The following ZC3H7B variants were observed in gnomAD, a reference collection of about 807,000 sequenced individuals.
ZC3H7B encodes the protein zinc finger CCCH-type containing 7B.
Under a neutral mutation model 116.0 loss-of-function variants are expected in ZC3H7B, and 35 were observed. That is an observed-to-expected ratio of 0.30 (90% CI 0.23 to 0.40). The LOEUF (loss-of-function observed/expected upper bound fraction) is 0.40. ZC3H7B is among the 10% of genes least tolerant of loss of function. The pLI, the probability that ZC3H7B is intolerant of heterozygous loss-of-function variation, is 1.00. For synonymous variants in ZC3H7B, 502 were observed against 545.6 expected, an observed-to-expected ratio of 0.92 and a Z score of 1.11; for missense variants, 1,011 against 1,321.5, an observed-to-expected ratio of 0.77 and a Z score of 3.64.
rs781225037 is a variant in ZC3H7B at position 41,325,916 on chromosome 22, A to C, written c.283A>C (p.Met95Leu). Residue 95 changes from methionine (M) to leucine (L), a missense_variant and splice_region_variant, in exon 4 of 23, where the codon ATG becomes CTG. Met to Leu is a conservative substitution (Grantham distance 15). This residue lies in a region of ZC3H7B where 322 missense variants were observed against 443.9 expected (regional missense o/e 0.73). Coordinates refer to ENST00000352645, the MANE Select transcript of ZC3H7B (RefSeq NM_017590.6). The stretch of plus-strand genomic sequence containing the variant: ...CAATAGGGCCGCCTGCTACTTCACC[A>C]TGGTGAGCCTGGCACCCTCTTTTCT... ...HVNRAACYFT[M>L]GLYEKALEDS... The C allele has an allele frequency of 1.2e-6, 2 of 1,603,220 alleles. No homozygotes were observed. Among genetic ancestry groups the C allele is most frequent in the Admixed American group, 3.4e-5 (2 of 58,468 alleles).
rs1171719582 is a variant in ZC3H7B, at chr22:41,338,273, C to T, written c.583-40C>T. On this transcript the variant is annotated intron_variant, in intron 7 of 22. Coordinates refer to ENST00000352645, the MANE Select transcript of ZC3H7B (RefSeq NM_017590.6). This position sits in a 1 kb window ranked among gnomAD's most constrained non-coding sequence, Gnocchi z 4.5. ...CTGGTGCTGGGTGCTGGGATCGGGG[C>T]CTTCCCAGCCACAGCGCCACTGTGG... 6.2e-7 allele frequency: 1 copy of T among 1,606,182 alleles called. No homozygotes were observed. The highest frequency in any genetic ancestry group is 8.5e-7 in the Non-Finnish European group (1 of 1,176,194).
At chr22:41,334,254 G>C (rs553422885) in intron 7 of ZC3H7B, 3 of 152,268 alleles carry the variant, frequency 2.0e-5, no homozygotes, top group Non-Finnish European at 2.9e-5. Context: ...AGAGCACCAA[G>C]GTAGCGTCTC....
At chr22:41,345,717 A>G (rs1162182352) in intron 13 of ZC3H7B, among the ~76,000 whole-genome samples, 1 of 152,180 alleles carries the variant, frequency 6.6e-6, no homozygotes, top group Non-Finnish European at 1.5e-5. Flanking sequence ...TGTATTTGGA[A>G]AGGAATTTTC....
intron 16 of ZC3H7B, among the ~76,000 whole-genome samples, chr22:41,350,318 G>A (rs1013263012): frequency 6.6e-6 from 1 of 152,190 alleles, no homozygotes; most frequent in Admixed American, 6.5e-5. Flanking sequence ...GCCTTAAACA[G>A]GAACAACTGG....
At position 41,346,074 on chromosome 22, in the gene ZC3H7B, G is replaced by A. The variant is rs750052358; in HGVS notation, c.1531G>A (p.Val511Met). 60 of 1,614,034 alleles carry A rather than the reference G, an allele frequency of 3.7e-5. No individual in the cohort carries two copies. Among genetic ancestry groups the A allele is most frequent in the Admixed American group, 1.0e-4 (6 of 60,024 alleles). The change falls in exon 14 of 23, where the codon GTG becomes ATG. Residue 511 changes from valine (V) to methionine (M), a missense_variant. Val to Met is a conservative substitution (Grantham distance 21). This residue lies in a region of ZC3H7B where 179 missense variants were observed against 178.5 expected (regional missense o/e 1.00). Transcript: ENST00000352645. This position sits in a 1 kb window ranked among gnomAD's most constrained non-coding sequence, Gnocchi z 5.3. ...TFAYHQEEID[V>M]WTEERKGTLN... ...CGCCTACCATCAGGAGGAGATCGAC[G>A]TGTGGACCGAGGAGCGGAAGGGCAC...
chr22:41,348,330 A>G (rs17002407), intron 15 of ZC3H7B, among the ~76,000 whole-genome samples, 163 bp downstream of exon 15: 13,395 of 152,274 alleles, frequency 0.088, 1,858 homozygotes, highest in East Asian at 0.45. Context: ...GGAAAGGATG[A>G]GAATCACATT....
At position 41,327,222 on chromosome 22, in the gene ZC3H7B, C is replaced by T. The variant is rs1381199332; in HGVS notation, c.302C>T (p.Ala101Val). 6.2e-7 allele frequency: 1 copy of T among 1,613,868 alleles called. No homozygotes were observed. Among genetic ancestry groups the T allele is most frequent in the South Asian group, 1.1e-5 (1 of 91,090 alleles). ...CTCTGGCAGGGCCTGTATGAGAAGG[C>T]GCTGGAGGACAGCGAGAAGGCGCTG... Reference protein sequence around the residue: ...CYFTMGLYEKALEDSEKALGL... With the variant: ...CYFTMGLYEKVLEDSEKALGL... Residue 101 changes from alanine (A) to valine (V), a missense_variant, in exon 5 of 23, where the codon GCG becomes GTG. By Grantham distance (64) the Ala-to-Val change is moderately conservative. This residue lies in a region of ZC3H7B where 322 missense variants were observed against 443.9 expected (regional missense o/e 0.73). Coordinates refer to ENST00000352645, the MANE Select transcript of ZC3H7B (RefSeq NM_017590.6). This position sits in a 1 kb window ranked among gnomAD's most constrained non-coding sequence, Gnocchi z 4.5.
At position 41,340,134 on chromosome 22, in the gene ZC3H7B, A is replaced by T; in HGVS notation, c.1135A>T (p.Met379Leu). The part of the protein sequence containing the change: ...RGSLDKPDSF[M>L]EETNSQDHRP... ...CTCCCTGGACAAACCTGACTCCTTC[A>T]TGGGTAAGGCCATGGGTGGGCCCGT... The change falls in exon 10 of 23, where the codon ATG (methionine) becomes TTG (leucine). Residue 379 changes from methionine (M) to leucine (L), a missense_variant. By Grantham distance (15) the Met-to-Leu change is conservative. Coordinates refer to ENST00000352645, the MANE Select transcript of ZC3H7B (RefSeq NM_017590.6). 1 of 1,600,858 alleles carries T rather than the reference A, an allele frequency of 6.2e-7. No homozygotes were observed. Among genetic ancestry groups the T allele is most frequent in the Non-Finnish European group, 8.5e-7 (1 of 1,172,982 alleles).
At chr22:41,303,149 C>T (rs907578275) in intron 1 of ZC3H7B, among the ~76,000 whole-genome samples, 5 of 152,192 alleles carry the variant, frequency 3.3e-5, no homozygotes, top group African/African-American at 1.2e-4. Flanking sequence ...GTGTCCACCT[C>T]CCACAGAAGT....
At chr22:41,325,461 C>A in intron 2 of ZC3H7B, 103 bp from the exon 3 acceptor site, 1 of 1,478,588 alleles carries the variant, frequency 6.8e-7, no homozygotes, top group Non-Finnish European at 9.3e-7. Context: ...CACCCTAGTC[C>A]ACAAGGTGAT....
intron 7 of ZC3H7B, among the ~76,000 whole-genome samples, chr22:41,337,104 C>G (rs2036457731): frequency 6.6e-6 from 1 of 151,920 alleles, no homozygotes; most frequent in Non-Finnish European, 1.5e-5. Flanking sequence ...CCATTGCACT[C>G]CAGCCTGGGC....
At chr22:41,328,197 C>A (rs1164789033) in intron 5 of ZC3H7B, among the ~76,000 whole-genome samples, 1 of 151,428 alleles carries the variant, frequency 6.6e-6, no homozygotes, top group Non-Finnish European at 1.5e-5. Flanking sequence ...AGAGTGTCCA[C>A]AACAGATCCA....
chr22:41,341,905 T>TA (rs2036527773), intron 11 of ZC3H7B, among the ~76,000 whole-genome samples: 2 of 151,452 alleles, frequency 1.3e-5, no homozygotes. Flanking sequence ...CTATTAAAAA[T>TA]ACAAAAATTA....
chr22:41,332,056 G>T (rs2036390217), intron 6 of ZC3H7B, 115 bp from the exon 7 acceptor site: 2 of 1,067,326 alleles, frequency 1.9e-6, no homozygotes, highest in Non-Finnish European at 2.8e-6. Flanking sequence ...GACTCTCGGG[G>T]GCGCTGCAGA....
rs762327619 is a variant in ZC3H7B, at chr22:41,341,089, G to A, written c.1140G>A (p.Glu380=). The A allele has an allele frequency of 1.9e-6, 3 of 1,613,622 alleles. No homozygotes were observed. Among genetic ancestry groups the A allele is most frequent in the African/African-American group, 2.7e-5 (2 of 74,882 alleles). The part of the protein sequence containing the change: ...GSLDKPDSFM[E]ETNSQDHRPP... ...CCCCTGTGTCTTCTCCCTGCCCAGAGGAGACCAACTCACAGGACCACCGTC... is the reference window on the plus strand; with the variant it reads ...CCCCTGTGTCTTCTCCCTGCCCAGAAGAGACCAACTCACAGGACCACCGTC... Residue 380 remains glutamate (E), a splice_region_variant and synonymous_variant, in exon 11 of 23, where the codon GAG becomes GAA. Coordinates refer to ENST00000352645, the MANE Select transcript of ZC3H7B (RefSeq NM_017590.6).
In ZC3H7B at chr22:41,343,473, C is replaced by T. The variant is rs545981272; in HGVS notation, c.1356C>T (p.Asp452=). The T allele has an allele frequency of 6.2e-7, 1 of 1,613,920 alleles. No homozygotes were observed. The highest frequency in any genetic ancestry group is 2.2e-5 in the East Asian group (1 of 44,886). ...GCCTTGAGCACAAGTGCAAGCGGGA[C>T]ATCCTGCTCGGCCGGCTCCGGAGCT... ...REGLEHKCKR[D]ILLGRLRSSE... Residue 452 remains aspartate (D), a synonymous_variant, in exon 13 of 23, where the codon GAC becomes GAT. Coordinates refer to ENST00000352645, the MANE Select transcript of ZC3H7B (RefSeq NM_017590.6).
At chr22:41,333,720 T>G (rs2036410496) in intron 7 of ZC3H7B, 1 of 151,960 alleles carries the variant, frequency 6.6e-6, no homozygotes, top group Non-Finnish European at 1.5e-5. Context: ...GTTTACCCAG[T>G]ATGGGCCAAG....
intron 6 of ZC3H7B, among the ~76,000 whole-genome samples, chr22:41,331,318 C>T (rs543658471): frequency 1.4e-4 from 20 of 147,002 alleles, no homozygotes; most frequent in Non-Finnish European, 2.7e-4. Context: ...TGGGAGGCCG[C>T]GGTGGGAGGA....
chr22:41,330,024 A>T lies in ZC3H7B; in HGVS notation c.446A>T (p.Asp149Val). The change falls in exon 6 of 23, where the codon GAT becomes GTT. Residue 149 changes from aspartate (D) to valine (V), a missense_variant and splice_region_variant. Physicochemically the swap from Asp to Val is radical, Grantham distance 152 (BLOSUM62 -3). Transcript: ENST00000352645. ...SSRCSLALPH[D>V]ESVTQLGQEL... ...CGCCCTGTGTCTTGTCCTCTGCAGG[A>T]TGAAAGCGTGACTCAGCTTGGTCAG... The T allele has an allele frequency of 6.2e-7, 1 of 1,613,766 alleles. No individual in the cohort carries two copies.
Sources: allele counts gnomAD v4.1 joint callset (sites outside exome capture counted in the v4.1 genomes callset), GRCh38; gene constraint gnomAD v4.1.1; regional missense constraint gnomAD v4.1.1; non-coding constraint Gnocchi (gnomAD v3.1); transcripts MANE v1.5; gene names NCBI Gene and HGNC (gene_info 2026-07-23, HGNC 2026-07-21).